The following NCEH1 variants were observed in gnomAD, a reference collection of about 807,000 sequenced individuals.
NCEH1 encodes the protein 2-acetyl MAGE hydrolase.
Under a neutral mutation model 25.4 loss-of-function variants are expected in NCEH1, and 9 were observed. The observed-to-expected ratio is 0.35, with a 90% CI of 0.21 to 0.62. The LOEUF (loss-of-function observed/expected upper bound fraction) is 0.62, where lower values mean the gene tolerates loss of function less well. Ranked by LOEUF, NCEH1 falls within the 20% of genes least tolerant of loss-of-function variation. The pLI is 0.72. For missense variants in NCEH1, 412 were observed against 501.1 expected (o/e 0.82, Z 1.70); for synonymous variants, 200 against 199.8 (o/e 1.00, Z -0.01).
At chr3:172,661,423 G>C (rs957177629) in intron 1 of NCEH1, among the ~76,000 whole-genome samples, 11 of 152,158 alleles carry the variant, frequency 7.2e-5, no homozygotes, top group Non-Finnish European at 1.5e-4. Flanking sequence ...CTCCAGCTTT[G>C]TTCTTTTGGC....
chr3:172,675,135 C>T (rs944711736), intron 1 of NCEH1, among the ~76,000 whole-genome samples: 2 of 151,932 alleles, frequency 1.3e-5, no homozygotes, highest in African/African-American at 4.8e-5. Context: ...CATGGTGAAA[C>T]CCCAGCTCTA....
At chr3:172,679,073 C>T (rs1369441764) in intron 1 of NCEH1, among the ~76,000 whole-genome samples, 1 of 152,114 alleles carries the variant, frequency 6.6e-6, no homozygotes, top group Non-Finnish European at 1.5e-5. Flanking sequence ...GTATTTGTCC[C>T]GACTGGCTAG....
At chr3:172,704,164 G>A (rs1338662649) in intron 1 of NCEH1, among the ~76,000 whole-genome samples, 1 of 152,126 alleles carries the variant, frequency 6.6e-6, no homozygotes, top group East Asian at 1.9e-4. Context: ...CACCCACACA[G>A]CCCAAAAGCA....
chr3:172,641,677 C>T (rs1716859906), intron 3 of NCEH1, among the ~76,000 whole-genome samples: 1 of 152,196 alleles, frequency 6.6e-6, no homozygotes, highest in South Asian at 2.1e-4. Context: ...TGGAATCATC[C>T]ACACTTACTT....
intron 1 of NCEH1, among the ~76,000 whole-genome samples, chr3:172,697,630 T>C (rs1208635587): frequency 6.6e-6 from 1 of 152,150 alleles, no homozygotes; most frequent in African/African-American, 2.4e-5. Flanking sequence ...ATTCTTAATG[T>C]GGATCATACA....
At chr3:172,673,711 C>G (rs1711777860) in intron 1 of NCEH1, among the ~76,000 whole-genome samples, 1 of 152,114 alleles carries the variant, frequency 6.6e-6, no homozygotes, top group African/African-American at 2.4e-5. Flanking sequence ...ATCAGGCAGC[C>G]AAGTCAAAGG....
Position 172,630,787 on chromosome 3 carries a change from G to A in NCEH1, c.*2688C>T, listed in dbSNP as rs533305998. The A allele has an allele frequency of 6.6e-5, 10 of 151,756 alleles. No individual in the cohort carries two copies. The South Asian group carries it at 1.5e-3, about 22-fold the overall frequency. 9.4% of individuals were successfully genotyped at this position (151,756 alleles called of 1,614,324 possible). ...ATTCATAAAATCTACCTTCCCCTTC[G>A]TAGTGGGAAATAAGCAAAGTCAAAG... On this transcript the variant is annotated 3_prime_UTR_variant, in exon 5 of 5. Transcript: ENST00000475381.
At chr3:172,641,641 G>C (rs1434246865) in intron 3 of NCEH1, among the ~76,000 whole-genome samples, 2 of 152,198 alleles carry the variant, frequency 1.3e-5, no homozygotes, top group Admixed American at 1.3e-4. Flanking sequence ...GAAGAACCAA[G>C]CGTCCACCAT....
chr3:172,665,046 T>C (rs1018827473), intron 1 of NCEH1, among the ~76,000 whole-genome samples: 1 of 151,696 alleles, frequency 6.6e-6, no homozygotes, highest in Non-Finnish European at 1.5e-5. Flanking sequence ...GGCACTCTGA[T>C]TTTTAGAATT....
intron 1 of NCEH1, among the ~76,000 whole-genome samples, chr3:172,689,838 A>G (rs1712928908): frequency 6.6e-6 from 1 of 151,626 alleles, no homozygotes; most frequent in South Asian, 2.1e-4. Context: ...TGCCAGCTGT[A>G]TGAGGTGGGG....
intron 4 of NCEH1, 50 bp from the exon 5 acceptor site, chr3:172,634,142 A>G: frequency 1.3e-6 from 2 of 1,546,894 alleles, no homozygotes; most frequent in South Asian, 2.5e-5. Flanking sequence ...GCCTTCTTTT[A>G]TAGGAACCAT....
chr3:172,635,714 G>A (rs1029253896), intron 4 of NCEH1, among the ~76,000 whole-genome samples: 2 of 152,036 alleles, frequency 1.3e-5, no homozygotes, highest in African/African-American at 4.8e-5. Context: ...AGACTCATAG[G>A]TGATACTTCC....
rs1462036173 is a variant in NCEH1, at chr3:172,633,994, T to C, written c.708A>G (p.Gln236=). 3 of 1,614,242 alleles carry C rather than the reference T, an allele frequency of 1.9e-6. No individual in the cohort carries two copies. Among genetic ancestry groups the C allele is most frequent in the Non-Finnish European group, 2.5e-6 (3 of 1,180,040 alleles). Residue 236 remains glutamine, a synonymous_variant, in exon 5 of 5, where the codon CAA becomes CAG. Transcript: ENST00000475381. ...ALDFNTPSYQ[Q]NVNTPILPRY... Reference sequence around the variant, plus strand: ...GGGGCAGGATTGGGGTGTTCACATTTTGCTGATAAGATGGTGTGTTAAAAT... The same window carrying C: ...GGGGCAGGATTGGGGTGTTCACATTCTGCTGATAAGATGGTGTGTTAAAAT...
chr3:172,639,346 A>C (rs983061538), intron 3 of NCEH1, among the ~76,000 whole-genome samples: 2 of 152,034 alleles, frequency 1.3e-5, no homozygotes, highest in Non-Finnish European at 2.9e-5. Flanking sequence ...AATATCCTGA[A>C]AGTAGATATT....
intron 1 of NCEH1, among the ~76,000 whole-genome samples, chr3:172,652,036 G>A (rs761691689): frequency 6.6e-6 from 1 of 152,142 alleles, no homozygotes; most frequent in South Asian, 2.1e-4. Flanking sequence ...GAACCCTGGG[G>A]TACAAAAACT....
At chr3:172,660,001 AC>A (rs1436977036) in intron 1 of NCEH1, among the ~76,000 whole-genome samples, 1 of 148,318 alleles carries the variant, frequency 6.7e-6, no homozygotes, top group Non-Finnish European at 1.5e-5. Context: ...TTTTTTTTAT[AC>A]TTTAAGTTCT....
At chr3:172,677,675 T>C (rs1011570981) in intron 1 of NCEH1, among the ~76,000 whole-genome samples, 16 of 152,322 alleles carry the variant, frequency 1.1e-4, no homozygotes, top group African/African-American at 3.8e-4. Flanking sequence ...ACGCCTGTAA[T>C]CCCGGCACTT....
intron 1 of NCEH1, among the ~76,000 whole-genome samples, chr3:172,692,449 C>G (rs1054988225): frequency 1.1e-4 from 17 of 152,110 alleles, no homozygotes; most frequent in Admixed American, 1.3e-4. Flanking sequence ...CCTCAATTTC[C>G]TGGGCTCAAG....
intron 1 of NCEH1, among the ~76,000 whole-genome samples, chr3:172,699,185 T>A (rs1713546248): frequency 1.3e-5 from 2 of 151,880 alleles, no homozygotes; most frequent in African/African-American, 4.8e-5. Context: ...TCTGAGTTGG[T>A]ATTGAACGAT....
Sources: gnomAD v4.1 joint callset for allele counts (sites outside exome capture counted in the v4.1 genomes callset) on GRCh38, gnomAD v4.1.1 for gene constraint, MANE v1.5 for transcripts, NCBI Gene and HGNC (gene_info 2026-07-23, HGNC 2026-07-21) for gene names.